PDE5A: variants seen among roughly 807,000 people sequenced by gnomAD.
PDE5A encodes the protein cGMP-specific 3',5'-cyclic phosphodiesterase.
A neutral mutation model predicts 110.2 loss-of-function variants in PDE5A; 67 were observed. The observed-to-expected ratio is 0.61, with a 90% confidence interval of 0.50 to 0.75. The LOEUF is 0.75. PDE5A is among the 30% of genes least tolerant of loss of function. PDE5A has a pLI of 0.00. For missense variants in PDE5A, 862 were observed against 1,045.1 expected (o/e 0.82, Z 2.42); for synonymous variants, 328 against 351.2 (o/e 0.93, Z 0.74).
At position 119,628,701 on chromosome 4, in the gene PDE5A, T is replaced by G; in HGVS notation, c.-30A>C. On this transcript the variant is annotated 5_prime_UTR_variant, in exon 1 of 21. Coordinates refer to ENST00000354960, the MANE Select transcript of PDE5A (RefSeq NM_001083.4). ...GGCACCGCGCGCCTCGGAGGCTCTC[T>G]GGTACTGCTTTTCCACCCCAGCTGG... The G allele has an allele frequency of 6.2e-7, 1 of 1,606,714 alleles. No individual in the cohort carries two copies. Among genetic ancestry groups the G allele is most frequent in the Non-Finnish European group, 8.5e-7 (1 of 1,179,378 alleles).
At chr4:119,553,906 C>CT (rs1438614073) in intron 7 of PDE5A, among the ~76,000 whole-genome samples, 160 bp from the exon 8 acceptor site, 1 of 152,074 alleles carries the variant, frequency 6.6e-6, no homozygotes, top group African/African-American at 2.4e-5. Context: ...TGATTTACAA[C>CT]TTTGTCAGTT....
chr4:119,498,498 G>A lies in PDE5A; in HGVS notation c.*103C>T, dbSNP rs1184066276. On this transcript the variant is annotated 3_prime_UTR_variant, in exon 21 of 21. Transcript: ENST00000354960. ...AAAATAAAAATACAGCAGTGGCAAA[G>A]TATATACCAAATACAGACACTATAC... 3.0e-6 allele frequency: 4 copies of A among 1,319,212 alleles called. No homozygotes were observed. In the African/African-American group the frequency reaches 5.9e-5, roughly 19 times the overall value. The allele number at this position is 1,319,212 out of a possible 1,614,324, so 81.7% of individuals were successfully genotyped here. A position where few individuals can be genotyped will look rare whatever the true frequency, so the allele number is the denominator to read the frequency against.
At chr4:119,571,401 G>A (rs1399615085) in intron 3 of PDE5A, among the ~76,000 whole-genome samples, 1 of 152,128 alleles carries the variant, frequency 6.6e-6, no homozygotes, top group Non-Finnish European at 1.5e-5. Context: ...GTCCTTGTAA[G>A]GAAAAGTGGA....
At chr4:119,569,233 G>A (rs113623186) in intron 3 of PDE5A, among the ~76,000 whole-genome samples, 325 of 151,354 alleles carry the variant, frequency 2.1e-3, no homozygotes, top group African/African-American at 7.3e-3. Context: ...TAGAGATGAG[G>A]TCTCACTATG....
intron 11 of PDE5A, among the ~76,000 whole-genome samples, chr4:119,536,335 C>G (rs907922656): frequency 6.6e-6 from 1 of 151,814 alleles, no homozygotes; most frequent in South Asian, 2.1e-4. Flanking sequence ...AGAGTGTAAC[C>G]CTCACCTTCA....
chr4:119,511,006 G>T, intron 15 of PDE5A, 41 bp downstream of exon 15: 2 of 1,097,548 alleles, frequency 1.8e-6, no homozygotes, highest in Non-Finnish European at 2.7e-6. Context: ...AATTTATAAA[G>T]CTCTCTTTTA....
chr4:119,543,045 T>TACAC (rs70944890), intron 9 of PDE5A: 16,276 of 124,326 alleles, frequency 0.13, 1,367 homozygotes, highest in Middle Eastern at 0.18. Flanking sequence ...AAGTTAAACA[T>TACAC]ACACACACAC....
chr4:119,601,445 C>G (rs1443897465), intron 2 of PDE5A, among the ~76,000 whole-genome samples: 2 of 152,018 alleles, frequency 1.3e-5, no homozygotes, highest in Admixed American at 1.3e-4. Context: ...CACACCACCC[C>G]ACCCCCCGCC....
In PDE5A at chr4:119,502,622, G is replaced by T; in HGVS notation, c.2365C>A (p.Gln789Lys). 4 of 1,607,322 alleles carry T rather than the reference G, an allele frequency of 2.5e-6. No individual in the cohort carries two copies. Among genetic ancestry groups the T allele is most frequent in the Non-Finnish European group, 3.4e-6 (4 of 1,174,558 alleles). ...AELVATEFFD[Q>K]GDRERKELNI... ...AGTTCTTTTCTCTCTCTGTCTCCTT[G>T]ATCAAAAAATTCAGTTGCTACAAGT... The change falls in exon 19 of 21, where the codon CAA (glutamine) becomes AAA (lysine). Residue 789 changes from glutamine (Q) to lysine (K), a missense_variant. Physicochemically the swap from Gln to Lys is moderately conservative, Grantham distance 53. Transcript: ENST00000354960.
At position 119,497,961 on chromosome 4, in the gene PDE5A, G is replaced by T. The variant is rs1725139594; in HGVS notation, c.*640C>A. On this transcript the variant is annotated 3_prime_UTR_variant, in exon 21 of 21. Transcript: ENST00000354960. ...TTTCAGAAAAATGTACTGCACTGAA[G>T]TGACAAAGTTCTGTCTTGCCTGTTC... 6.6e-6 allele frequency: 1 copy of T among 152,162 alleles called. No homozygotes were observed. 9.4% of individuals were successfully genotyped at this position (152,162 alleles called of 1,614,324 possible). A position where few individuals can be genotyped will look rare whatever the true frequency, so the allele number is the denominator to read the frequency against.
At chr4:119,604,739 C>T (rs1443661590) in intron 2 of PDE5A, among the ~76,000 whole-genome samples, 2 of 152,168 alleles carry the variant, frequency 1.3e-5, no homozygotes, top group Non-Finnish European at 2.9e-5. Context: ...ATTCATTTAC[C>T]CAGCTTCAAA....
intron 3 of PDE5A, among the ~76,000 whole-genome samples, chr4:119,573,866 T>C (rs1427183288): frequency 1.3e-5 from 2 of 152,122 alleles, no homozygotes; most frequent in Non-Finnish European, 2.9e-5. Flanking sequence ...TTGTTTCTAA[T>C]ACAGTTAAGA....
chr4:119,579,874 G>A (rs1186435042), intron 3 of PDE5A, among the ~76,000 whole-genome samples: 1 of 152,004 alleles, frequency 6.6e-6, no homozygotes, highest in East Asian at 1.9e-4. Context: ...TTCACTGTAC[G>A]TGAATTTTAA....
At chr4:119,549,828 A>G (rs1727274423) in intron 9 of PDE5A, 1 of 152,242 alleles carries the variant, frequency 6.6e-6, no homozygotes, top group Admixed American at 6.5e-5. Flanking sequence ...GATACGAAAC[A>G]ATACCTCAGG....
In PDE5A at chr4:119,626,528, C is replaced by T. The variant is rs186188972; in HGVS notation, c.152+1992G>A. ...AGGTCCAATACATACTTTTAAAAAT[C>T]GGCCTGGTTCTCTGGCCCCCTGATC... On this transcript the variant is annotated intron_variant, in intron 1 of 20. Transcript: ENST00000354960. Among the ~76,000 whole-genome samples the T allele has an allele frequency of 2.3e-3, 354 of 152,302 alleles. 1 individual carries two copies. The highest frequency in any genetic ancestry group is 4.0e-3 in the Non-Finnish European group (270 of 68,036).
rs751248499 is a variant in PDE5A, at chr4:119,498,642, T to G, written c.2587A>C (p.Met863Leu). 6.2e-7 allele frequency: 1 copy of G among 1,614,038 alleles called. No homozygotes were observed. The highest frequency in any genetic ancestry group is 2.2e-5 in the East Asian group (1 of 44,870). ...WQALAEQQEK[M>L]LINGESGQAK... is the part of the protein sequence containing the mutation. ...TGGCCGCTTTCCCCATTAATCAGCATCTTCTCCTGCTGTTCTGCAAGGGCC... is the reference window on the plus strand; with the variant it reads ...TGGCCGCTTTCCCCATTAATCAGCAGCTTCTCCTGCTGTTCTGCAAGGGCC... Residue 863 changes from methionine to leucine, a missense_variant, in exon 21 of 21, where the codon ATG becomes CTG. Transcript: ENST00000354960.
Position 119,628,787 on chromosome 4 carries a change from G to A in PDE5A, c.-116C>T, listed in dbSNP as rs1326813308. On this transcript the variant is annotated 5_prime_UTR_variant, in exon 1 of 21. Transcript: ENST00000354960. ...GACCCTCCCCCTTCGTCCTGCTCCAGTCGGGCCGGCTTTCGACAAAGCGGC... is the reference window on the plus strand; with the variant it reads ...GACCCTCCCCCTTCGTCCTGCTCCAATCGGGCCGGCTTTCGACAAAGCGGC... 1.4e-6 allele frequency: 2 copies of A among 1,460,154 alleles called. No individual in the cohort carries two copies. The highest frequency in any genetic ancestry group is 1.4e-5 in the African/African-American group (1 of 71,490). 90.4% of individuals were successfully genotyped at this position (1,460,154 alleles called of 1,614,324 possible).
In PDE5A at chr4:119,562,925, A is replaced by G; in HGVS notation, c.1039T>C (p.Leu347=). 2 of 1,603,098 alleles carry G rather than the reference A, an allele frequency of 1.2e-6. No homozygotes were observed. The highest frequency in any genetic ancestry group is 1.3e-5 in the African/African-American group (1 of 74,266). Residue 347 remains leucine, a synonymous_variant, in exon 6 of 21, where the codon TTA becomes CTA. Coordinates refer to ENST00000354960, the MANE Select transcript of PDE5A (RefSeq NM_001083.4). ...GCTATTTTCTTCAAAATTACTTCTA[A>G]TGATTGTTGTTCTTCAAAAATTAAA... ...ASLIFEEQQS[L]EVILKKIAAT...
At chr4:119,583,652 C>T (rs1022331952) in intron 3 of PDE5A, among the ~76,000 whole-genome samples, 4 of 152,116 alleles carry the variant, frequency 2.6e-5, no homozygotes, top group Admixed American at 6.5e-5. Context: ...TTAGAGAACA[C>T]TATAGGGTTA....
Sources: gnomAD v4.1 joint callset for allele counts (sites outside exome capture counted in the v4.1 genomes callset) on GRCh38, gnomAD v4.1.1 for gene constraint, MANE v1.5 for transcripts, NCBI Gene and HGNC (gene_info 2026-07-23, HGNC 2026-07-21) for gene names.